DISC1: variants seen among roughly 807,000 people sequenced by gnomAD.
The protein encoded by DISC1 is DISC1 scaffold protein.
Under a neutral mutation model 84.5 loss-of-function variants are expected in DISC1, and 57 were observed. That is an observed-to-expected ratio of 0.67 (90% confidence interval 0.55 to 0.84). DISC1 has a LOEUF of 0.84. Ranked by LOEUF, DISC1 falls within the 40% of genes least tolerant of loss-of-function variation. DISC1 has a pLI of 0.00. For synonymous variants in DISC1, 411 were observed against 415.2 expected, an observed-to-expected ratio of 0.99 and a Z score of 0.12; for missense variants, 1,000 against 1,057.8, an observed-to-expected ratio of 0.95 and a Z score of 0.76.
chr1:231,727,950 A>G (rs1314138678), intron 3 of DISC1, among the ~76,000 whole-genome samples: 2 of 145,338 alleles, frequency 1.4e-5, no homozygotes, highest in African/African-American at 5.0e-5. Flanking sequence ...GACTCTGTCT[A>G]AAAAAAAAAG....
At chr1:231,849,785 G>A (rs4575071) in intron 9 of DISC1, among the ~76,000 whole-genome samples, 49,553 of 151,964 alleles carry the variant, frequency 0.33, 8,515 homozygotes, top group East Asian at 0.4. Flanking sequence ...ACCATAACAC[G>A]TTGGTTTCTC....
At chr1:231,933,354 T>C (rs367711251) in intron 9 of DISC1, among the ~76,000 whole-genome samples, 5 of 152,236 alleles carry the variant, frequency 3.3e-5, no homozygotes, top group African/African-American at 1.2e-4. Context: ...TTTGGGTTTT[T>C]GCTTTGAAAG....
chr1:231,786,427 GT>G (rs1275866735), intron 6 of DISC1, among the ~76,000 whole-genome samples: 1 of 152,170 alleles, frequency 6.6e-6, no homozygotes, highest in Non-Finnish European at 1.5e-5. Context: ...AACAGAGTTT[GT>G]TCTTCAAAGG....
rs140177066 is a variant in DISC1 at position 231,764,940 on chromosome 1, C to G, written c.1269-2200C>G. On this transcript the variant is annotated intron_variant, in intron 4 of 12. Coordinates refer to ENST00000439617, the MANE Select transcript of DISC1 (RefSeq NM_018662.3). The stretch of plus-strand genomic sequence containing the variant: ...GGCTTGGTGGCTCATGGCTGTAATC[C>G]CAGTACTTTGGGAGGCCGAGGTGGG... 4.8e-3 allele frequency among the ~76,000 whole-genome samples: 733 copies of G among 152,092 alleles called. 5 individuals carry two copies. The highest frequency in any genetic ancestry group is 0.017 in the African/African-American group (705 of 41,474).
chr1:231,794,189 A>G (rs1285927921), intron 6 of DISC1, among the ~76,000 whole-genome samples: 3 of 151,712 alleles, frequency 2.0e-5, no homozygotes, highest in East Asian at 3.9e-4. Flanking sequence ...ATCTTTCACA[A>G]CTCACCTGTG....
chr1:231,790,754 G>C (rs2078282549), intron 6 of DISC1, among the ~76,000 whole-genome samples: 1 of 152,258 alleles, frequency 6.6e-6, no homozygotes, highest in Admixed American at 6.5e-5. Flanking sequence ...TCCTGACCTT[G>C]TGATCTGCCC....
chr1:231,816,334 T>C (rs1232254104), intron 8 of DISC1, among the ~76,000 whole-genome samples: 12 of 152,240 alleles, frequency 7.9e-5, no homozygotes, highest in Admixed American at 7.8e-4. Context: ...TTCAATTCCT[T>C]GTCAGTTAAA....
At chr1:231,905,942 T>C (rs184431221) in intron 9 of DISC1, among the ~76,000 whole-genome samples, 2 of 151,674 alleles carry the variant, frequency 1.3e-5, no homozygotes, top group East Asian at 3.9e-4. Flanking sequence ...GTCCAGGAAA[T>C]AGAAAGTTCT....
At chr1:231,715,945 C>T (rs143130073) in intron 3 of DISC1, among the ~76,000 whole-genome samples, 34 of 152,212 alleles carry the variant, frequency 2.2e-4, no homozygotes, top group African/African-American at 4.6e-4. Flanking sequence ...AGTGTGGCCA[C>T]GCAGCACACT....
At chr1:232,014,848 A>G (rs565848625) in intron 11 of DISC1, among the ~76,000 whole-genome samples, 1 of 152,212 alleles carries the variant, frequency 6.6e-6, no homozygotes, top group African/African-American at 2.4e-5. Context: ...AATCTTTCCA[A>G]GGTTTCCAGC....
intron 9 of DISC1, among the ~76,000 whole-genome samples, chr1:231,944,693 C>T (rs1656789808): frequency 6.6e-6 from 1 of 152,110 alleles, no homozygotes; most frequent in South Asian, 2.1e-4. Context: ...CCCCCTGCAC[C>T]CTCAGGCCTA....
At chr1:231,654,098 G>A (rs2060859556) in intron 1 of DISC1, among the ~76,000 whole-genome samples, 1 of 152,124 alleles carries the variant, frequency 6.6e-6, no homozygotes, top group Non-Finnish European at 1.5e-5. Flanking sequence ...CTCTGTCCTG[G>A]CAAGTTCCTT....
chr1:231,872,205 A>G (rs2085514054), intron 9 of DISC1, among the ~76,000 whole-genome samples: 2 of 152,160 alleles, frequency 1.3e-5, no homozygotes, highest in Non-Finnish European at 2.9e-5. Context: ...CACTTACCCT[A>G]TTGAATTATG....
intron 10 of DISC1, among the ~76,000 whole-genome samples, chr1:231,978,029 C>T (rs1663057054): frequency 6.6e-6 from 1 of 152,128 alleles, no homozygotes; most frequent in Non-Finnish European, 1.5e-5. Context: ...GATTGTTTGT[C>T]CTACGGAATT....
intron 9 of DISC1, among the ~76,000 whole-genome samples, chr1:231,831,311 A>G (rs201609565): frequency 0.08 from 9,795 of 121,884 alleles, no homozygotes; most frequent in Admixed American, 0.13. Flanking sequence ...GAAATGAGAG[A>G]TTCTAAGAGA....
At chr1:231,972,905 C>T (rs1006647922) in intron 10 of DISC1, among the ~76,000 whole-genome samples, 7 of 152,174 alleles carry the variant, frequency 4.6e-5, no homozygotes, top group South Asian at 2.1e-4. Context: ...ATAGGGTACA[C>T]GGGCCCTCTG....
At chr1:231,780,630 T>C (rs2077342455) in intron 6 of DISC1, among the ~76,000 whole-genome samples, 1 of 121,762 alleles carries the variant, frequency 8.2e-6, no homozygotes, top group African/African-American at 3.2e-5. Flanking sequence ...GAACTGGAAA[T>C]ACCATTTGAC....
intron 9 of DISC1, among the ~76,000 whole-genome samples, chr1:231,859,985 ATACTCTG>A (rs1370785051): frequency 6.6e-6 from 1 of 152,210 alleles, no homozygotes; most frequent in Non-Finnish European, 1.5e-5. Flanking sequence ...TCCAGTTTTC[ATACTCTG>A]TAAAAGGCTT....
rs571363863 is a variant in DISC1, at chr1:231,669,920, G to A, written c.68-23906G>A. On this transcript the variant is annotated intron_variant, in intron 1 of 12. Coordinates refer to ENST00000439617, the MANE Select transcript of DISC1 (RefSeq NM_018662.3). ...CTTTCTATTATAAAGACACATGCAT[G>A]TGTATGTTCACTGCAGCACTAGTCA... Among the ~76,000 whole-genome samples, 3 of 152,220 alleles carry A rather than the reference G, an allele frequency of 2.0e-5. No individual in the cohort carries two copies. In the South Asian group the frequency reaches 6.2e-4, roughly 32 times the overall value.
Sources: gnomAD v4.1 joint callset for allele counts (sites outside exome capture counted in the v4.1 genomes callset) on GRCh38, gnomAD v4.1.1 for gene constraint, MANE v1.5 for transcripts, NCBI Gene and HGNC (gene_info 2026-07-23, HGNC 2026-07-21) for gene names.